Variants in SFT2D2 observed in about 807,000 individuals in gnomAD.
The protein encoded by SFT2D2 is SFT2 domain containing 2.
SFT2D2 carries 21 observed loss-of-function variants against 27.4 expected under a neutral mutation model. The observed-to-expected ratio is 0.77, with a 90% confidence interval of 0.54 to 1.10. The LOEUF is 1.10. Among genes scored for constraint, SFT2D2 ranks in the 50% least tolerant of loss-of-function variants. The probability of loss-of-function intolerance (pLI) is 0.00; values close to 1 mark genes in which losing one functional copy is unlikely to be tolerated. For missense variants in SFT2D2, 187 were observed against 194.2 expected, an observed-to-expected ratio of 0.96 and a Z score of 0.22; for synonymous variants, 72 against 71.7, an observed-to-expected ratio of 1.00 and a Z score of -0.02.
At position 168,249,513 on chromosome 1, in the gene SFT2D2, G is replaced by A. The variant is rs1407122728; in HGVS notation, c.*6973G>A. 2 of 152,812 alleles carry A rather than the reference G, an allele frequency of 1.3e-5. No homozygotes were observed. The highest frequency in any genetic ancestry group is 2.9e-5 in the Non-Finnish European group (2 of 68,186). The allele number at this position is 152,812 out of a possible 1,614,324, so 9.5% of individuals were successfully genotyped here. On this transcript the variant is annotated 3_prime_UTR_variant, in exon 8 of 8. Coordinates refer to ENST00000271375, the MANE Select transcript of SFT2D2 (RefSeq NM_199344.3). ...GGCCTCCCAAAGTGCTGGGATTACA[G>A]GCGTGAGCCACCATGCCCAGCCCCA... is the stretch of plus-strand genomic sequence containing the variant.
In SFT2D2 at chr1:168,226,141, AGGT is replaced by A. The variant is rs1700456188; in HGVS notation, c.63+1_63+3del. 6.5e-7 allele frequency: 1 copy of A among 1,532,484 alleles called. No homozygotes were observed. Among genetic ancestry groups the A allele is most frequent in the African/African-American group, 1.4e-5 (1 of 71,522 alleles). 94.9% of individuals were successfully genotyped at this position (1,532,484 alleles called of 1,614,324 possible). On this transcript the variant is annotated splice_donor_variant and coding_sequence_variant, in exon 1 of 8. Coordinates refer to ENST00000271375, the MANE Select transcript of SFT2D2 (RefSeq NM_199344.3). LOFTEE classifies it high-confidence loss of function. ...ACGGAGGACCGGAGCGGCCTGTCCG[AGGT>A]GAGTGAGCCCGGGGCCGTCGGCCCC...
chr1:168,234,459 A>G (rs947828146), intron 3 of SFT2D2, among the ~76,000 whole-genome samples: 4 of 151,932 alleles, frequency 2.6e-5, no homozygotes, highest in Non-Finnish European at 4.4e-5. Flanking sequence ...TTTGGAATCC[A>G]ATAGCTATAG....
At position 168,247,921 on chromosome 1, in the gene SFT2D2, A is replaced by G. The variant is rs909849130; in HGVS notation, c.*5381A>G. On this transcript the variant is annotated 3_prime_UTR_variant, in exon 8 of 8. Transcript: ENST00000271375. ...GGTGGTTTTGATTTGCATTTCCCTAATGACCAGTGATGATGAGCATTTTTT... is the reference window on the plus strand; with the variant it reads ...GGTGGTTTTGATTTGCATTTCCCTAGTGACCAGTGATGATGAGCATTTTTT... 2 of 152,204 alleles carry G rather than the reference A, an allele frequency of 1.3e-5. No homozygotes were observed. The highest frequency in any genetic ancestry group is 2.9e-5 in the Non-Finnish European group (2 of 68,032). 9.4% of individuals were successfully genotyped at this position (152,204 alleles called of 1,614,324 possible).
Position 168,245,775 on chromosome 1 carries a change from TTTC to T in SFT2D2, c.*3238_*3240del, listed in dbSNP as rs1232515634. The T allele has an allele frequency of 1.3e-5, 2 of 152,702 alleles. No homozygotes were observed. The highest frequency in any genetic ancestry group is 2.9e-5 in the Non-Finnish European group (2 of 68,422). The allele number at this position is 152,702 out of a possible 1,614,324, so 9.5% of individuals were successfully genotyped here. ...GCTTCATCTATTTCTGTAGTTTCATTTTCTTGCAATAACTGCTGCATCAAACTT... is the reference window on the plus strand; with the variant it reads ...GCTTCATCTATTTCTGTAGTTTCATTTTGCAATAACTGCTGCATCAAACTT... On this transcript the variant is annotated 3_prime_UTR_variant, in exon 8 of 8. Coordinates refer to ENST00000271375, the MANE Select transcript of SFT2D2 (RefSeq NM_199344.3).
chr1:168,250,022 T>G lies in SFT2D2; in HGVS notation c.*7482T>G, dbSNP rs1458190486. 6.6e-6 allele frequency: 1 copy of G among 152,180 alleles called. No homozygotes were observed. Among genetic ancestry groups the G allele is most frequent in the Admixed American group, 6.5e-5 (1 of 15,288 alleles). 9.4% of individuals were successfully genotyped at this position (152,180 alleles called of 1,614,324 possible). On this transcript the variant is annotated 3_prime_UTR_variant, in exon 8 of 8. Coordinates refer to ENST00000271375, the MANE Select transcript of SFT2D2 (RefSeq NM_199344.3). ...TGCCCAGTGAATGGTATTGCCTCCA[T>G]CCTCTGAGAAGGTAAAGAGCCTATC...
In SFT2D2 at chr1:168,243,179, G is replaced by A. The variant is rs1442757366; in HGVS notation, c.*639G>A. On this transcript the variant is annotated 3_prime_UTR_variant, in exon 8 of 8. Coordinates refer to ENST00000271375, the MANE Select transcript of SFT2D2 (RefSeq NM_199344.3). Reference sequence around the variant, plus strand: ...TGTGGAATGTATTTTCTGACATTAGGTGCAGACTCTTTTTCTCTTGGGTTT... The same window carrying A: ...TGTGGAATGTATTTTCTGACATTAGATGCAGACTCTTTTTCTCTTGGGTTT... The A allele has an allele frequency of 2.6e-5, 4 of 152,328 alleles. No individual in the cohort carries two copies. Among genetic ancestry groups the A allele is most frequent in the South Asian group, 2.1e-4 (1 of 4,826 alleles). 9.4% of individuals were successfully genotyped at this position (152,328 alleles called of 1,614,324 possible).
At chr1:168,239,187 A>AT (rs1279840959) in intron 7 of SFT2D2, 27 bp downstream of exon 7, 9 of 1,544,930 alleles carry the variant, frequency 5.8e-6, no homozygotes, top group Non-Finnish European at 7.2e-6. Context: ...GGAAATAATG[A>AT]TTTCTGTCAT....
intron 3 of SFT2D2, 76 bp from the exon 4 acceptor site, chr1:168,235,025 A>T: frequency 8.0e-7 from 1 of 1,256,786 alleles, no homozygotes; most frequent in Non-Finnish European, 1.2e-6. Context: ...TGCCACAGGA[A>T]ATCTTGGGGA....
intron 1 of SFT2D2, among the ~76,000 whole-genome samples, chr1:168,229,250 C>G (rs750955943): frequency 6.6e-6 from 1 of 152,200 alleles, no homozygotes; most frequent in African/African-American, 2.4e-5. Flanking sequence ...AGCGGAGTCT[C>G]GCTCTGTCGC....
chr1:168,242,587 C>G lies in SFT2D2; in HGVS notation c.*47C>G. ...CTTTGGAAGGCACTATGGACAGAAG[C>G]TGGTGGACAGTTTTGTAACTATCTT... On this transcript the variant is annotated 3_prime_UTR_variant, in exon 8 of 8. Coordinates refer to ENST00000271375, the MANE Select transcript of SFT2D2 (RefSeq NM_199344.3). 1 of 1,609,746 alleles carries G rather than the reference C, an allele frequency of 6.2e-7. No homozygotes were observed. The highest frequency in any genetic ancestry group is 8.5e-7 in the Non-Finnish European group (1 of 1,175,978).
chr1:168,228,007 G>A (rs1700478755), intron 1 of SFT2D2, among the ~76,000 whole-genome samples: 1 of 152,198 alleles, frequency 6.6e-6, no homozygotes, highest in Non-Finnish European at 1.5e-5. Flanking sequence ...TTATGCTGAG[G>A]CATCTGTTGG....
At position 168,251,883 on chromosome 1, in the gene SFT2D2, TAA is replaced by T. The variant is rs1647960594; in HGVS notation, c.*9346_*9347del. ...CTAAATTTTTTGGAAATTTTTATTT[TAA>T]AAGTTTGTTGGGAGGTAAAATTGTG... On this transcript the variant is annotated 3_prime_UTR_variant, in exon 8 of 8. Transcript: ENST00000271375. 6.6e-6 allele frequency: 1 copy of T among 152,194 alleles called. No homozygotes were observed. The highest frequency in any genetic ancestry group is 6.5e-5 in the Admixed American group (1 of 15,282). The allele number at this position is 152,194 out of a possible 1,614,324, so 9.4% of individuals were successfully genotyped here.
rs1572458197 is a variant in SFT2D2 at position 168,246,486 on chromosome 1, C to T, written c.*3946C>T. On this transcript the variant is annotated 3_prime_UTR_variant, in exon 8 of 8. Coordinates refer to ENST00000271375, the MANE Select transcript of SFT2D2 (RefSeq NM_199344.3). The stretch of plus-strand genomic sequence containing the variant: ...GTTCAAAAACCAAAGCGTTTTCTTT[C>T]AGAGCCTCTCTTGTGTTATGGAGCT... 13 of 1,413,832 alleles carry T rather than the reference C, an allele frequency of 9.2e-6. No individual in the cohort carries two copies. Among genetic ancestry groups the T allele is most frequent in the Non-Finnish European group, 1.2e-5 (13 of 1,045,258 alleles). The allele number at this position is 1,413,832 out of a possible 1,614,324, so 87.6% of individuals were successfully genotyped here. A position where few individuals can be genotyped will look rare whatever the true frequency, so the allele number is the denominator to read the frequency against.
rs747437793 is a variant in SFT2D2 at position 168,236,731 on chromosome 1, C to T, written c.374C>T (p.Ala125Val). 1.9e-6 allele frequency: 3 copies of T among 1,614,174 alleles called. No individual in the cohort carries two copies. Among genetic ancestry groups the T allele is most frequent in the Non-Finnish European group, 2.5e-6 (3 of 1,180,026 alleles). The change falls in exon 6 of 8, where the codon GCA becomes GTA. Residue 125 changes from alanine to valine, a missense_variant. Ala to Val is a moderately conservative substitution (Grantham distance 64). Transcript: ENST00000271375. ...TTCCAGTGGCATAACAAGGGACTTG[C>T]ACTTATCTTCTGCATTTTGCAGTCT... ...SAFWWHNKGL[A>V]LIFCILQSLA...
intron 3 of SFT2D2, among the ~76,000 whole-genome samples, chr1:168,234,033 G>A (rs1354905047): frequency 1.3e-5 from 2 of 152,152 alleles, no homozygotes; most frequent in Admixed American, 6.5e-5. Context: ...CCAAGTTGAT[G>A]TGTTAGACAT....
chr1:168,236,694 A>G lies in SFT2D2; in HGVS notation c.355-18A>G, dbSNP rs1469860105. On this transcript the variant is annotated intron_variant, in intron 5 of 7. Transcript: ENST00000271375. Reference sequence around the variant, plus strand: ...CCTTGTCTCACACTCTCCTATAACCATATTATTATTTTTCCAGTGGCATAA... The same window carrying G: ...CCTTGTCTCACACTCTCCTATAACCGTATTATTATTTTTCCAGTGGCATAA... 3.7e-6 allele frequency: 6 copies of G among 1,613,722 alleles called. No individual in the cohort carries two copies. The highest frequency in any genetic ancestry group is 4.5e-5 in the East Asian group (2 of 44,896).
intron 1 of SFT2D2, among the ~76,000 whole-genome samples, chr1:168,226,525 G>T (rs1000678259): frequency 2.6e-5 from 4 of 152,136 alleles, no homozygotes; most frequent in East Asian, 1.9e-4. Context: ...TTGCTGGGTG[G>T]GTCGGGGCCC....
In SFT2D2 at chr1:168,243,242, T is replaced by C. The variant is rs1647701736; in HGVS notation, c.*702T>C. 6.6e-6 allele frequency: 1 copy of C among 152,054 alleles called. No homozygotes were observed. Among genetic ancestry groups the C allele is most frequent in the Non-Finnish European group, 1.5e-5 (1 of 68,014 alleles). The allele number at this position is 152,054 out of a possible 1,614,324, so 9.4% of individuals were successfully genotyped here. On this transcript the variant is annotated 3_prime_UTR_variant, in exon 8 of 8. Coordinates refer to ENST00000271375, the MANE Select transcript of SFT2D2 (RefSeq NM_199344.3). ...CTCCCTCCCTCTCCCTGCATATCTT[T>C]CTTTATGACCTCCTGGCACTAGATG...
In SFT2D2 at chr1:168,250,247, G is replaced by C. The variant is rs1647920199; in HGVS notation, c.*7707G>C. Reference sequence around the variant, plus strand: ...TTTCCTTAAGTTGCCTTATTCTTTGGTTGTTTCCCTACTTGTTTTTGTTAG... The same window carrying C: ...TTTCCTTAAGTTGCCTTATTCTTTGCTTGTTTCCCTACTTGTTTTTGTTAG... On this transcript the variant is annotated 3_prime_UTR_variant, in exon 8 of 8. Transcript: ENST00000271375. 1.3e-5 allele frequency: 2 copies of C among 152,162 alleles called. No individual in the cohort carries two copies. The highest frequency in any genetic ancestry group is 4.1e-4 in the South Asian group (2 of 4,828). The allele number at this position is 152,162 out of a possible 1,614,324, so 9.4% of individuals were successfully genotyped here. A position where few individuals can be genotyped will look rare whatever the true frequency, so the allele number is the denominator to read the frequency against.
Sources: gnomAD v4.1 joint callset for allele counts (sites outside exome capture counted in the v4.1 genomes callset) on GRCh38, gnomAD v4.1.1 for gene constraint, MANE v1.5 for transcripts, NCBI Gene and HGNC (gene_info 2026-07-23, HGNC 2026-07-21) for gene names.